Variants in DLG2 observed in about 807,000 individuals in gnomAD.
DLG2 encodes the protein discs large MAGUK scaffold protein 2.
A neutral mutation model predicts 132.5 loss-of-function variants in DLG2; 45 were observed. That is an observed-to-expected ratio of 0.34 (90% CI 0.27 to 0.44). The LOEUF (loss-of-function observed/expected upper bound fraction) is 0.44, where lower values mean the gene tolerates loss of function less well. DLG2 is among the 20% of genes least tolerant of loss of function. The probability of loss-of-function intolerance (pLI) is 1.00; values close to 1 mark genes in which losing one functional copy is unlikely to be tolerated. For synonymous variants in DLG2, 424 were observed against 419.6 expected (o/e 1.01, Z -0.13); for missense variants, 1,045 against 1,196.9 (o/e 0.87, Z 1.87).
intron 6 of DLG2, among the ~76,000 whole-genome samples, chr11:84,674,303 T>A (rs1430242163): frequency 6.6e-6 from 1 of 152,116 alleles, no homozygotes; most frequent in Non-Finnish European, 1.5e-5. Flanking sequence ...AAATCTCAAA[T>A]CCAATATGTC....
At chr11:83,798,214 C>T (rs1449478489) in intron 17 of DLG2, among the ~76,000 whole-genome samples, 1 of 152,196 alleles carries the variant, frequency 6.6e-6, no homozygotes, top group Non-Finnish European at 1.5e-5. Flanking sequence ...AATCTTGGTC[C>T]CTTCCCTTAC....
chr11:84,620,635 T>A (rs147387646), intron 6 of DLG2, among the ~76,000 whole-genome samples: 2 of 152,076 alleles, frequency 1.3e-5, no homozygotes, highest in African/African-American at 4.8e-5. Context: ...AAAACCTCAA[T>A]AGTATTCCTC....
chr11:84,302,763 T>C (rs1440916197), intron 7 of DLG2, among the ~76,000 whole-genome samples: 1 of 152,220 alleles, frequency 6.6e-6, no homozygotes, highest in African/African-American at 2.4e-5. Context: ...AAAGGATTTA[T>C]GATTAACTAC....
rs78632413 is a variant in DLG2, at chr11:85,521,533, C to T, written c.40+77124G>A. Among the ~76,000 whole-genome samples, 1,386 of 152,108 alleles carry T rather than the reference C, an allele frequency of 9.1e-3. 19 individuals are homozygous for T. The highest frequency in any genetic ancestry group is 0.03 in the African/African-American group (1,237 of 41,488). On this transcript the variant is annotated intron_variant, in intron 3 of 27. Coordinates refer to ENST00000376104, the MANE Select transcript of DLG2 (RefSeq NM_001142699.3). The stretch of plus-strand genomic sequence containing the variant: ...GAGTGGGGTACTGCTATAAAGATAT[C>T]TGAAAATGTGGAAGCAACTTTGAAA...
At chr11:83,623,458 A>G (rs556334338) in intron 19 of DLG2, among the ~76,000 whole-genome samples, 8 of 152,292 alleles carry the variant, frequency 5.3e-5, no homozygotes, top group Non-Finnish European at 1.0e-4. Flanking sequence ...GACTGTCCGG[A>G]AGCAGAATTT....
intron 8 of DLG2, among the ~76,000 whole-genome samples, chr11:84,233,535 G>C (rs1321311998): frequency 6.6e-6 from 1 of 152,136 alleles, no homozygotes; most frequent in African/African-American, 2.4e-5. Context: ...ACATGTACAG[G>C]AACAAAGAAA....
intron 6 of DLG2, among the ~76,000 whole-genome samples, chr11:84,620,292 T>C (rs963689980): frequency 1.3e-5 from 2 of 151,814 alleles, no homozygotes; most frequent in African/African-American, 4.8e-5. Flanking sequence ...AAAATAAGAA[T>C]ACAAAATAAT....
intron 7 of DLG2, among the ~76,000 whole-genome samples, chr11:84,444,891 T>C (rs2099028649): frequency 6.6e-6 from 1 of 151,862 alleles, no homozygotes; most frequent in African/African-American, 2.4e-5. Context: ...CAACCTCCGC[T>C]TCCCAGGTTG....
chr11:85,208,979 T>G (rs1045582208), intron 4 of DLG2, among the ~76,000 whole-genome samples: 3 of 152,130 alleles, frequency 2.0e-5, no homozygotes, highest in African/African-American at 4.8e-5. Context: ...CCGCAATATG[T>G]AAGTCCTTTG....
intron 6 of DLG2, among the ~76,000 whole-genome samples, chr11:84,662,786 CAAAA>C (rs752017709): frequency 1.2e-5 from 1 of 80,294 alleles, no homozygotes; most frequent in African/African-American, 4.5e-5. Context: ...GACTCTGTCA[CAAAA>C]AAAAAAAAAA....
intron 3 of DLG2, among the ~76,000 whole-genome samples, chr11:85,434,050 G>C (rs1276169665): frequency 6.6e-6 from 1 of 152,126 alleles, no homozygotes; most frequent in Non-Finnish European, 1.5e-5. Context: ...CATGGAAATT[G>C]AATAACCTGC....
intron 3 of DLG2, among the ~76,000 whole-genome samples, chr11:85,354,357 T>C (rs911760347): frequency 6.6e-6 from 1 of 152,136 alleles, no homozygotes; most frequent in African/African-American, 2.4e-5. Context: ...CATTTATTTA[T>C]ATATATAATC....
chr11:85,031,525 A>G (rs1244002352), intron 6 of DLG2, among the ~76,000 whole-genome samples: 1 of 151,970 alleles, frequency 6.6e-6, no homozygotes, highest in Non-Finnish European at 1.5e-5. Context: ...TATTCTTCTT[A>G]AATATTACTT....
At chr11:84,469,228 G>A (rs956243096) in intron 7 of DLG2, among the ~76,000 whole-genome samples, 18 of 151,620 alleles carry the variant, frequency 1.2e-4, no homozygotes, top group African/African-American at 4.4e-4. Context: ...ATTAGGAAGA[G>A]GAATGAGTTT....
chr11:83,614,408 C>T (rs768322564), intron 19 of DLG2, among the ~76,000 whole-genome samples: 10 of 152,222 alleles, frequency 6.6e-5, no homozygotes, highest in Non-Finnish European at 1.2e-4. Context: ...GCAACTGCAG[C>T]GTGCTTTAAT....
intron 3 of DLG2, among the ~76,000 whole-genome samples, chr11:85,350,646 C>T (rs2083215568): frequency 6.6e-6 from 1 of 152,182 alleles, no homozygotes; most frequent in Admixed American, 6.5e-5. Flanking sequence ...GTTTTCCCAG[C>T]ACCATTTATT....
intron 15 of DLG2, among the ~76,000 whole-genome samples, chr11:83,899,235 T>C (rs1300847903): frequency 6.6e-6 from 1 of 150,962 alleles, no homozygotes; most frequent in African/African-American, 2.5e-5. Context: ...TAGTCTTAGG[T>C]AGAGTCACCA....
At chr11:85,476,459 T>C (rs80224771) in intron 3 of DLG2, among the ~76,000 whole-genome samples, 2,375 of 152,232 alleles carry the variant, frequency 0.016, 28 homozygotes, top group Non-Finnish European at 0.023. Flanking sequence ...AAACTTAGCT[T>C]ACTGTAACTT....
chr11:85,060,593 G>C (rs890262736), intron 6 of DLG2, among the ~76,000 whole-genome samples: 2 of 151,316 alleles, frequency 1.3e-5, no homozygotes, highest in African/African-American at 2.4e-5. Flanking sequence ...TGGACATTTA[G>C]GTTGTTTCTA....
Sources: gnomAD v4.1 joint callset for allele counts (sites outside exome capture counted in the v4.1 genomes callset) on GRCh38, gnomAD v4.1.1 for gene constraint, MANE v1.5 for transcripts, NCBI Gene and HGNC (gene_info 2026-07-23, HGNC 2026-07-21) for gene names.